FRMPD3: variants seen among roughly 807,000 people sequenced by gnomAD.
The protein encoded by FRMPD3 is FERM and PDZ domain containing 3, also known as FERM and PDZ domain-containing protein 3.
A neutral mutation model predicts 97.9 loss-of-function variants in FRMPD3; 42 were observed. The ratio of observed to expected loss-of-function variants is 0.43; its 90% CI spans 0.34 to 0.55. The LOEUF (loss-of-function observed/expected upper bound fraction) is 0.55, where lower values mean the gene tolerates loss of function less well. FRMPD3 is among the 20% of genes least tolerant of loss of function. The pLI is 0.03. For missense variants in FRMPD3, 1,303 were observed against 1,457.7 expected (o/e 0.89, Z 1.73); for synonymous variants, 577 against 581.1 (o/e 0.99, Z 0.10).
chrX:107,555,021 C>T (rs1438549443), intron 8 of FRMPD3: 1 of 115,398 alleles, frequency 8.7e-6, no homozygotes, highest in Non-Finnish European at 1.8e-5. Context: ...GATGAGGGCA[C>T]TCAGGAAGCA....
intron 13 of FRMPD3, among the ~76,000 whole-genome samples, chrX:107,585,994 T>A (rs1460068246): frequency 8.9e-6 from 1 of 112,156 alleles, no homozygotes; most frequent in African/African-American, 3.2e-5. Context: ...TTTCAATTTT[T>A]TGGAATAGTT....
chrX:107,601,812 G>A lies in FRMPD3; in HGVS notation c.3773G>A (p.Ser1258Asn). 1 of 1,210,897 alleles carries A rather than the reference G, an allele frequency of 8.3e-7. No individual in the cohort carries two copies. ...EFLEELLKPP[S>N]QGELPGTEYL... The stretch of plus-strand genomic sequence containing the variant: ...CTTGAGGAACTTCTAAAGCCACCAA[G>A]CCAGGGGGAGCTGCCAGGCACCGAG... The change falls in exon 15 of 15, where the codon AGC becomes AAC. Residue 1258 changes from serine to asparagine, a missense_variant. Coordinates refer to ENST00000683843, the MANE Select transcript of FRMPD3 (RefSeq NM_001388459.1).
chrX:107,481,748 A>T (rs1351517267), intron 1 of FRMPD3, among the ~76,000 whole-genome samples: 1 of 111,812 alleles, frequency 8.9e-6, no homozygotes, highest in Non-Finnish European at 1.9e-5. Context: ...TGAAAATTAG[A>T]TCTCTTTCTA....
chrX:107,528,372 A>G (rs1424661797), intron 2 of FRMPD3, among the ~76,000 whole-genome samples: 1 of 111,702 alleles, frequency 9.0e-6, no homozygotes, highest in African/African-American at 3.3e-5. Flanking sequence ...TCAAAGGGCC[A>G]AGGCCCATAA....
intron 13 of FRMPD3, among the ~76,000 whole-genome samples, chrX:107,586,274 G>A (rs1287360403): frequency 9.0e-6 from 1 of 111,559 alleles, no homozygotes; most frequent in Non-Finnish European, 1.9e-5. Context: ...TATTTCTGTG[G>A]GGTCAGTAGT....
At chrX:107,591,697 G>A (rs1046552733) in intron 13 of FRMPD3, among the ~76,000 whole-genome samples, 2 of 111,018 alleles carry the variant, frequency 1.8e-5, no homozygotes, top group African/African-American at 3.3e-5. Flanking sequence ...TATCCTCTAT[G>A]TATTTCCTTC....
At chrX:107,533,047 T>G (rs1923036089) in intron 3 of FRMPD3, among the ~76,000 whole-genome samples, 1 of 111,803 alleles carries the variant, frequency 8.9e-6, no homozygotes, top group Non-Finnish European at 1.9e-5. Context: ...CCAAATGACC[T>G]CCTTTGGGTT....
chrX:107,554,571 T>C, intron 8 of FRMPD3, 67 bp downstream of exon 8: 2 of 1,149,323 alleles, frequency 1.7e-6, no homozygotes, highest in Non-Finnish European at 1.2e-6. Context: ...TGTTCTGCCA[T>C]CACAATGAAA....
intron 1 of FRMPD3, among the ~76,000 whole-genome samples, chrX:107,454,368 C>T (rs1315606403): frequency 9.0e-6 from 1 of 111,597 alleles, no homozygotes; most frequent in East Asian, 2.8e-4. Flanking sequence ...AGGTTCAGTC[C>T]TATATTTCCA....
Position 107,604,023 on chromosome X carries a change from C to G in FRMPD3, c.*650C>G, listed in dbSNP as rs890319204. 1 of 110,465 alleles carries G rather than the reference C, an allele frequency of 9.1e-6. No homozygotes were observed. Among genetic ancestry groups the G allele is most frequent in the Non-Finnish European group, 1.9e-5 (1 of 52,821 alleles). The allele number at this position is 110,465 out of a possible 1,213,427, so 9.1% of individuals were successfully genotyped here. A position where few individuals can be genotyped will look rare whatever the true frequency, so the allele number is the denominator to read the frequency against. On this transcript the variant is annotated 3_prime_UTR_variant, in exon 15 of 15. Coordinates refer to ENST00000683843, the MANE Select transcript of FRMPD3 (RefSeq NM_001388459.1). ...CCAGTAGCTCCACACCAGCCATCCC[C>G]AAAGTGCCCTGCCCCTCACTGATGG...
intron 6 of FRMPD3, among the ~76,000 whole-genome samples, chrX:107,552,361 T>A (rs1921899177): frequency 8.9e-6 from 1 of 112,587 alleles, no homozygotes; most frequent in Non-Finnish European, 1.9e-5. Context: ...CACTTTTGCT[T>A]TTGTTCATTC....
intron 6 of FRMPD3, among the ~76,000 whole-genome samples, chrX:107,551,950 T>C (rs1463001383): frequency 3.6e-5 from 4 of 112,258 alleles, no homozygotes; most frequent in Non-Finnish European, 5.6e-5. Flanking sequence ...GTTGTAAAGA[T>C]GTTTTATATT....
chrX:107,568,930 G>GGAGAGAGA (rs1310429776), intron 12 of FRMPD3, among the ~76,000 whole-genome samples: 1 of 85,833 alleles, frequency 1.2e-5, no homozygotes, highest in Non-Finnish European at 2.1e-5. Context: ...AGAGAGAGAG[G>GGAGAGAGA]GAGAGAGAGA....
chrX:107,533,832 C>T (rs778929895), intron 4 of FRMPD3, among the ~76,000 whole-genome samples: 20 of 112,514 alleles, frequency 1.8e-4, no homozygotes, highest in Non-Finnish European at 2.3e-4. Flanking sequence ...ACAGTTTCCA[C>T]TTCTTTTTGG....
intron 4 of FRMPD3, among the ~76,000 whole-genome samples, chrX:107,543,324 C>T (rs1921406794): frequency 9.0e-6 from 1 of 111,458 alleles, no homozygotes; most frequent in Non-Finnish European, 1.9e-5. Flanking sequence ...CTTGCTCCCC[C>T]TCCATCACGC....
intron 1 of FRMPD3, among the ~76,000 whole-genome samples, chrX:107,516,524 C>A (rs1297981980): frequency 9.0e-6 from 1 of 111,325 alleles, no homozygotes; most frequent in Non-Finnish European, 1.9e-5. Flanking sequence ...TCTCCACATC[C>A]CCTCCAGCAC....
chrX:107,467,196 G>A (rs186046475), intron 1 of FRMPD3, among the ~76,000 whole-genome samples: 3 of 111,590 alleles, frequency 2.7e-5, no homozygotes, highest in South Asian at 3.8e-4. Flanking sequence ...TCTTTATAGC[G>A]TGATAGCCCT....
chrX:107,539,048 C>G (rs1437512578), intron 4 of FRMPD3, among the ~76,000 whole-genome samples: 1 of 110,701 alleles, frequency 9.0e-6, no homozygotes, highest in African/African-American at 3.3e-5. Flanking sequence ...ATTCGAGCAG[C>G]AGAGACAGAA....
chrX:107,497,739 C>G (rs1333775423), intron 1 of FRMPD3, among the ~76,000 whole-genome samples: 2 of 112,482 alleles, frequency 1.8e-5, no homozygotes, highest in Non-Finnish European at 3.7e-5. Flanking sequence ...CCAGAATGCT[C>G]AGTCTGTTGC....
Sources: allele counts gnomAD v4.1 joint callset (sites outside exome capture counted in the v4.1 genomes callset), GRCh38; gene constraint gnomAD v4.1.1; transcripts MANE v1.5; gene names NCBI Gene and HGNC (gene_info 2026-07-23, HGNC 2026-07-21).